STK32B: variants seen among roughly 807,000 people sequenced by gnomAD.
STK32B encodes serine/threonine kinase 32B.
Under a neutral mutation model 52.6 loss-of-function variants are expected in STK32B, and 43 were observed. The observed-to-expected ratio is 0.82, with a 90% CI of 0.64 to 1.05. The LOEUF is 1.05. Among genes scored for constraint, STK32B ranks in the 50% least tolerant of loss-of-function variants. STK32B has a pLI of 0.00. For synonymous variants in STK32B, 238 were observed against 204.3 expected, an observed-to-expected ratio of 1.17 and a Z score of -1.41; for missense variants, 621 against 534.6, an observed-to-expected ratio of 1.16 and a Z score of -1.59.
intron 3 of STK32B, among the ~76,000 whole-genome samples, chr4:5,324,470 C>T (rs1351588714): frequency 2.0e-5 from 3 of 152,100 alleles, no homozygotes; most frequent in Admixed American, 6.6e-5. Context: ...CCTCAGTTTC[C>T]GGGGTTAGGG....
chr4:5,487,326 A>T (rs1719308267), intron 11 of STK32B, among the ~76,000 whole-genome samples: 1 of 152,236 alleles, frequency 6.6e-6, no homozygotes, highest in Non-Finnish European at 1.5e-5. Flanking sequence ...GGAAGTGTTG[A>T]GTTAACATTA....
chr4:5,219,809 A>ACCTT (rs2108795033), intron 3 of STK32B, among the ~76,000 whole-genome samples: 2 of 152,302 alleles, frequency 1.3e-5, no homozygotes, highest in Non-Finnish European at 2.9e-5. Flanking sequence ...TTGTCAGCAT[A>ACCTT]CGTTGGCCCT....
At chr4:5,074,934 T>G (rs868230491) in intron 1 of STK32B, among the ~76,000 whole-genome samples, 1 of 152,232 alleles carries the variant, frequency 6.6e-6, no homozygotes, top group African/African-American at 2.4e-5. Flanking sequence ...TTACTACACT[T>G]AATTTGAACT....
chr4:5,486,014 A>T (rs1719164934), intron 11 of STK32B, among the ~76,000 whole-genome samples: 1 of 152,208 alleles, frequency 6.6e-6, no homozygotes, highest in Non-Finnish European at 1.5e-5. Flanking sequence ...GGTGCCTCCC[A>T]GTTAGGCTAC....
intron 3 of STK32B, among the ~76,000 whole-genome samples, chr4:5,288,566 C>T (rs1048575794): frequency 4.0e-5 from 6 of 151,824 alleles, no homozygotes; most frequent in African/African-American, 1.2e-4. Flanking sequence ...AAATTGTTTG[C>T]CTATTTTTTA....
intron 1 of STK32B, among the ~76,000 whole-genome samples, chr4:5,119,069 T>A (rs1714887514): frequency 6.6e-6 from 1 of 152,230 alleles, no homozygotes; most frequent in Non-Finnish European, 1.5e-5. Context: ...TTATGTAATC[T>A]GTATGAATCT....
At chr4:5,168,273 T>C (rs201005619) in intron 2 of STK32B, 26 bp from the exon 3 acceptor site, 145 of 1,593,548 alleles carry the variant, frequency 9.1e-5, no homozygotes, top group Non-Finnish European at 1.2e-4. Context: ...TTGGCCTGAC[T>C]GTTCTCTCCT....
At chr4:5,371,020 ATGTG>A (rs1270805422) in intron 4 of STK32B, among the ~76,000 whole-genome samples, 21 of 147,866 alleles carry the variant, frequency 1.4e-4, no homozygotes, top group Admixed American at 4.1e-4. Flanking sequence ...ATGTATATAT[ATGTG>A]TATATATATG....
chr4:5,199,340 T>G (rs1327838356), intron 3 of STK32B, among the ~76,000 whole-genome samples: 1 of 152,188 alleles, frequency 6.6e-6, no homozygotes. Context: ...AGGGACCTAT[T>G]GTAATGAATA....
At chr4:5,455,530 C>T (rs1468478035) in intron 7 of STK32B, among the ~76,000 whole-genome samples, 1 of 152,186 alleles carries the variant, frequency 6.6e-6, no homozygotes, top group Non-Finnish European at 1.5e-5. Flanking sequence ...CAGGGCTGGG[C>T]TTCTTGGAAC....
At chr4:5,047,070 A>T (rs940284428), upstream of STK32B, among the ~76,000 whole-genome samples, 6 of 152,226 alleles carry the variant, frequency 3.9e-5, no homozygotes, top group African/African-American at 1.4e-4. Flanking sequence ...TTACAATAGC[A>T]AAATTGTGGA....
chr4:5,090,033 A>G (rs887490993), intron 1 of STK32B, among the ~76,000 whole-genome samples: 5 of 152,032 alleles, frequency 3.3e-5, no homozygotes, highest in African/African-American at 7.3e-5. Flanking sequence ...GTGTCTGTTC[A>G]TGTCTTTTGC....
chr4:5,118,706 C>G (rs1714870380), intron 1 of STK32B, among the ~76,000 whole-genome samples: 1 of 152,200 alleles, frequency 6.6e-6, no homozygotes, highest in Admixed American at 6.5e-5. Context: ...TCTCTGTCTT[C>G]CTGCTCAGAA....
the STK32B span, among the ~76,000 whole-genome samples, chr4:5,022,305 T>C: frequency 6.6e-6 from 1 of 152,158 alleles, no homozygotes; most frequent in Non-Finnish European, 1.5e-5. Flanking sequence ...CTGAATGGAC[T>C]TGGTGACTAC....
At chr4:5,479,123 G>GTTTTTTT (rs5855856) in intron 11 of STK32B, among the ~76,000 whole-genome samples, 5 of 139,396 alleles carry the variant, frequency 3.6e-5, no homozygotes, top group Admixed American at 7.3e-5. Context: ...TTTTGTTTTT[G>GTTTTTTT]TTTTTTTTTT....
chr4:5,190,806 T>C (rs11730793), intron 3 of STK32B, among the ~76,000 whole-genome samples: 32,557 of 151,908 alleles, frequency 0.21, 4,153 homozygotes, highest in East Asian at 0.37. Flanking sequence ...TTTTGTGACA[T>C]TGGACACTCG....
intron 2 of STK32B, among the ~76,000 whole-genome samples, chr4:5,163,340 C>G (rs1024207049): frequency 2.0e-5 from 3 of 152,074 alleles, no homozygotes; most frequent in African/African-American, 7.2e-5. Flanking sequence ...TACAGTGTGT[C>G]AAGCCTTACA....
chr4:5,121,119 C>T (rs116765911), intron 1 of STK32B, among the ~76,000 whole-genome samples: 1 of 152,132 alleles, frequency 6.6e-6, no homozygotes, highest in East Asian at 1.9e-4. Context: ...CATTATATCA[C>T]TCTTAGGACT....
chr4:5,205,074 G>A (rs1722463044), intron 3 of STK32B, among the ~76,000 whole-genome samples: 1 of 152,196 alleles, frequency 6.6e-6, no homozygotes, highest in Admixed American at 6.5e-5. Flanking sequence ...AAGAGCAGGA[G>A]GAAGAGCACA....
Sources: allele counts gnomAD v4.1 joint callset (sites outside exome capture counted in the v4.1 genomes callset), GRCh38; gene constraint gnomAD v4.1.1; transcripts MANE v1.5; gene names NCBI Gene and HGNC (gene_info 2026-07-23, HGNC 2026-07-21).